The following CFAP299 variants were observed in gnomAD, a reference collection of about 807,000 sequenced individuals.
CFAP299 encodes the protein cilia- and flagella-associated protein 299.
In CFAP299, 21 loss-of-function variants were observed where a neutral mutation model predicts 27.0. The ratio of observed to expected loss-of-function variants is 0.78; its 90% CI spans 0.55 to 1.12. The LOEUF (loss-of-function observed/expected upper bound fraction) is 1.12. Among genes scored for constraint, CFAP299 ranks in the 50% most tolerant of loss-of-function variants. The pLI, the probability that CFAP299 is intolerant of heterozygous loss-of-function variation, is 0.00. For synonymous variants in CFAP299, 104 were observed against 98.1 expected (o/e 1.06, Z -0.36); for missense variants, 310 against 276.6 (o/e 1.12, Z -0.86).
At chr4:80,652,741 T>C (rs1022925664) in intron 3 of CFAP299, among the ~76,000 whole-genome samples, 1 of 151,978 alleles carries the variant, frequency 6.6e-6, no homozygotes, top group Non-Finnish European at 1.5e-5. Context: ...CTGCCTCTAG[T>C]GCTCCCTCAT....
intron 3 of CFAP299, among the ~76,000 whole-genome samples, chr4:80,592,348 C>T (rs1364558530): frequency 1.3e-5 from 2 of 152,082 alleles, no homozygotes; most frequent in East Asian, 3.9e-4. Flanking sequence ...ACCCTTGATG[C>T]AAAATGATAG....
chr4:80,671,474 C>A (rs541566226), intron 3 of CFAP299, among the ~76,000 whole-genome samples: 1 of 152,082 alleles, frequency 6.6e-6, no homozygotes, highest in South Asian at 2.1e-4. Flanking sequence ...CTTGGCAATG[C>A]GGGCTCTTTT....
At chr4:80,615,781 T>G (rs1738241137) in intron 3 of CFAP299, among the ~76,000 whole-genome samples, 1 of 152,166 alleles carries the variant, frequency 6.6e-6, no homozygotes, top group Non-Finnish European at 1.5e-5. Flanking sequence ...CCTTCCCTAT[T>G]TCATTCAGCA....
At chr4:80,551,983 C>A (rs1014013386) in intron 2 of CFAP299, among the ~76,000 whole-genome samples, 1 of 152,028 alleles carries the variant, frequency 6.6e-6, no homozygotes, top group Non-Finnish European at 1.5e-5. Context: ...TCTTGACTTC[C>A]TGGTATCTGC....
chr4:80,955,018 AAAAAAAAAAAAAAAAAC>A lies in CFAP299; in HGVS notation c.607-8498_607-8482del, dbSNP rs1319815318. ...CCATCAAAAAAAAAAAAAAAAAAAAAAAAAAAAAAAAAAAAACGCACACATGGCCATATACAGAGTAG... is the reference window on the plus strand; with the variant it reads ...CCATCAAAAAAAAAAAAAAAAAAAAAGCACACATGGCCATATACAGAGTAG... On this transcript the variant is annotated intron_variant, in intron 5 of 5. Transcript: ENST00000358105. Among the ~76,000 whole-genome samples, 253 of 141,090 alleles carry A rather than the reference AAAAAAAAAAAAAAAAAC, an allele frequency of 1.8e-3. 18 individuals are homozygous for A. The highest frequency in any genetic ancestry group is 7.1e-3 in the Middle Eastern group (2 of 280). The allele number at this position is 141,090 out of a possible 152,430, so 92.6% of individuals were successfully genotyped here.
At chr4:80,643,372 T>C (rs780618671) in intron 3 of CFAP299, among the ~76,000 whole-genome samples, 30 of 151,954 alleles carry the variant, frequency 2.0e-4, no homozygotes, top group Non-Finnish European at 3.2e-4. Context: ...GAAGAAGGAA[T>C]GAATATGGAC....
chr4:80,556,565 C>T (rs1734795740), intron 2 of CFAP299, among the ~76,000 whole-genome samples: 1 of 151,946 alleles, frequency 6.6e-6, no homozygotes, highest in African/African-American at 2.4e-5. Context: ...CTGTATAATT[C>T]TAACTTTACA....
chr4:80,538,777 G>A (rs1050362151), intron 2 of CFAP299, among the ~76,000 whole-genome samples: 1 of 152,190 alleles, frequency 6.6e-6, no homozygotes, highest in Non-Finnish European at 1.5e-5. Flanking sequence ...TATGATGTTT[G>A]CATGATGAAC....
At chr4:80,895,114 C>A (rs1305536514) in intron 4 of CFAP299, among the ~76,000 whole-genome samples, 1 of 151,610 alleles carries the variant, frequency 6.6e-6, no homozygotes, top group Admixed American at 6.6e-5. Flanking sequence ...GAATAGTTAA[C>A]AATACCCTAT....
intron 2 of CFAP299, among the ~76,000 whole-genome samples, chr4:80,472,641 C>T (rs1055695554): frequency 1.2e-4 from 19 of 152,104 alleles, no homozygotes; most frequent in Admixed American, 7.2e-4. Context: ...GTAGGACAGT[C>T]GAGTGGCAGC....
chr4:80,567,752 A>ATATATATATATATATATATATATAT (rs1560628779), intron 2 of CFAP299, among the ~76,000 whole-genome samples: 14 of 144,070 alleles, frequency 9.7e-5, no homozygotes, highest in African/African-American at 3.7e-4. Context: ...TATATATATA[A>ATATATATATATATATATATATATAT]GTACATAAGA....
chr4:80,942,043 A>G lies in CFAP299; in HGVS notation c.477-2767A>G, dbSNP rs533357553. On this transcript the variant is annotated intron_variant, in intron 4 of 5. Transcript: ENST00000358105. ...AATGGCTTTCAAATTTATCATCTTC[A>G]TCCAGCTAGCTGGATGGGAAAAAGA... 2.0e-5 allele frequency among the ~76,000 whole-genome samples: 3 copies of G among 152,302 alleles called. No homozygotes were observed. In the East Asian group the frequency reaches 5.8e-4, roughly 29 times the overall value.
At chr4:80,495,324 AAAC>A (rs1194345683) in intron 2 of CFAP299, among the ~76,000 whole-genome samples, 1 of 152,220 alleles carries the variant, frequency 6.6e-6, no homozygotes, top group African/African-American at 2.4e-5. Flanking sequence ...TATATATTTA[AAAC>A]AACATTTTAG....
intron 2 of CFAP299, among the ~76,000 whole-genome samples, chr4:80,498,514 A>G (rs971645342): frequency 2.6e-5 from 4 of 152,148 alleles, no homozygotes; most frequent in Non-Finnish European, 5.9e-5. Flanking sequence ...TAATCATTAC[A>G]GAAATACAAA....
chr4:80,360,077 T>A (rs1464036570), intron 1 of CFAP299, among the ~76,000 whole-genome samples: 2 of 152,240 alleles, frequency 1.3e-5, no homozygotes, highest in African/African-American at 4.8e-5. Flanking sequence ...GCTTCATTTC[T>A]GGGAGATTTT....
chr4:80,488,918 A>G (rs1730973570), intron 2 of CFAP299, among the ~76,000 whole-genome samples: 1 of 152,196 alleles, frequency 6.6e-6, no homozygotes, highest in Admixed American at 6.5e-5. Context: ...GGGTACTATA[A>G]CACATGCTCT....
chr4:80,669,271 G>A (rs538225771), intron 3 of CFAP299, among the ~76,000 whole-genome samples: 33 of 144,774 alleles, frequency 2.3e-4, no homozygotes, highest in African/African-American at 5.7e-4. Context: ...AGTGATTGTC[G>A]TCCTGTCTCA....
chr4:80,669,097 A>G (rs2109990264), intron 3 of CFAP299, among the ~76,000 whole-genome samples: 1 of 80,118 alleles, frequency 1.2e-5, no homozygotes, highest in South Asian at 6.2e-4. Flanking sequence ...AAAATTACTT[A>G]ATTTCTTTTT....
intron 3 of CFAP299, among the ~76,000 whole-genome samples, chr4:80,773,004 A>T (rs941484833): frequency 6.6e-6 from 1 of 152,200 alleles, no homozygotes; most frequent in Non-Finnish European, 1.5e-5. Flanking sequence ...TGTGGTACAT[A>T]AACACCATGG....
Sources: allele counts gnomAD v4.1 joint callset (sites outside exome capture counted in the v4.1 genomes callset), GRCh38; gene constraint gnomAD v4.1.1; transcripts MANE v1.5; gene names NCBI Gene and HGNC (gene_info 2026-07-23, HGNC 2026-07-21).